Variants in SLC37A3 observed in about 807,000 individuals in gnomAD.
The protein encoded by SLC37A3 is sugar phosphate exchanger 3.
SLC37A3 carries 51 observed loss-of-function variants against 67.1 expected under a neutral mutation model. That is an observed-to-expected ratio of 0.76 (90% CI 0.61 to 0.96). SLC37A3 has a LOEUF of 0.96. SLC37A3 is among the 40% of genes least tolerant of loss of function. The pLI is 0.00. For missense variants in SLC37A3, 508 were observed against 603.0 expected, an observed-to-expected ratio of 0.84 and a Z score of 1.65; for synonymous variants, 214 against 231.4, an observed-to-expected ratio of 0.92 and a Z score of 0.68.
intron 1 of SLC37A3, among the ~76,000 whole-genome samples, chr7:140,389,133 G>C (rs1232087479): frequency 1.3e-5 from 2 of 152,094 alleles, no homozygotes; most frequent in Non-Finnish European, 2.9e-5. Context: ...AAACAAAACT[G>C]ATAACAGACC....
At chr7:140,342,742 C>T (rs1796406838) in intron 13 of SLC37A3, among the ~76,000 whole-genome samples, 1 of 151,056 alleles carries the variant, frequency 6.6e-6, no homozygotes, top group African/African-American at 2.4e-5. Flanking sequence ...GTAGGGATCT[C>T]AAACATCTGA....
intron 3 of SLC37A3, among the ~76,000 whole-genome samples, chr7:140,377,404 T>C (rs1352815587): frequency 6.6e-6 from 1 of 152,130 alleles, no homozygotes; most frequent in African/African-American, 2.4e-5. Context: ...CTGGAGATAA[T>C]TTTAGATTCT....
intron 3 of SLC37A3, among the ~76,000 whole-genome samples, chr7:140,374,185 G>C (rs1343157688): frequency 6.6e-6 from 1 of 152,060 alleles, no homozygotes; most frequent in African/African-American, 2.4e-5. Context: ...TTCTGAGATG[G>C]GTTGTTACAG....
intron 3 of SLC37A3, among the ~76,000 whole-genome samples, chr7:140,375,824 G>A (rs543641005): frequency 6.6e-6 from 1 of 152,290 alleles, no homozygotes; most frequent in Non-Finnish European, 1.5e-5. Context: ...GCATTCTATC[G>A]AAGATGAGAA....
chr7:140,382,606 C>G lies in SLC37A3; in HGVS notation c.-70-10G>C. On this transcript the variant is annotated splice_polypyrimidine_tract_variant and intron_variant, in intron 1 of 14. Transcript: ENST00000326232. ...ACATCATTTCTTCCTTCTGGAAAGA[C>G]AAAACACATTATGGACATTATTAAA... The G allele has an allele frequency of 8.2e-7, 1 of 1,223,260 alleles. No homozygotes were observed. The highest frequency in any genetic ancestry group is 1.2e-6 in the Non-Finnish European group (1 of 837,712). The allele number at this position is 1,223,260 out of a possible 1,614,324, so 75.8% of individuals were successfully genotyped here. A position where few individuals can be genotyped will look rare whatever the true frequency, so the allele number is the denominator to read the frequency against.
At chr7:140,393,048 C>T (rs1289916762) in intron 1 of SLC37A3, among the ~76,000 whole-genome samples, 1 of 151,996 alleles carries the variant, frequency 6.6e-6, no homozygotes, top group Admixed American at 6.6e-5. Context: ...GCTGAGATCG[C>T]GCCACTGTAC....
chr7:140,341,353 C>T (rs913744228), intron 13 of SLC37A3, among the ~76,000 whole-genome samples: 2 of 152,012 alleles, frequency 1.3e-5, no homozygotes, highest in Admixed American at 1.3e-4. Flanking sequence ...AATACAAAGA[C>T]GAAGGAAACA....
chr7:140,343,914 T>C (rs1796455305), intron 12 of SLC37A3: 1 of 231,372 alleles, frequency 4.3e-6, no homozygotes, highest in South Asian at 5.0e-5. Flanking sequence ...ATCATTCCAC[T>C]ACACAAATTC....
At chr7:140,336,012 G>A (rs1302974238) in intron 14 of SLC37A3, among the ~76,000 whole-genome samples, 2 of 152,234 alleles carry the variant, frequency 1.3e-5, no homozygotes, top group Non-Finnish European at 2.9e-5. Context: ...GAGGACAGCT[G>A]CCTGGAGTAC....
chr7:140,337,583 T>C (rs985828346), intron 13 of SLC37A3: 23 of 342,010 alleles, frequency 6.7e-5, no homozygotes, highest in Admixed American at 1.4e-4. Flanking sequence ...GTTCAGAAGG[T>C]TTATTTTTAT....
chr7:140,340,349 C>A (rs899710120), intron 13 of SLC37A3, among the ~76,000 whole-genome samples: 2 of 150,136 alleles, frequency 1.3e-5, no homozygotes, highest in African/African-American at 4.9e-5. Context: ...ATTCTTTTCA[C>A]GTGGATATCC....
At chr7:140,345,383 AAG>A in intron 11 of SLC37A3, 120 bp from the exon 12 acceptor site, 2 of 714,844 alleles carry the variant, frequency 2.8e-6, no homozygotes, top group Non-Finnish European at 5.0e-6. Flanking sequence ...AGAGACAACA[AAG>A]AGACACAACT....
chr7:140,336,825 G>A (rs557027052), intron 14 of SLC37A3, among the ~76,000 whole-genome samples: 6 of 152,042 alleles, frequency 3.9e-5, no homozygotes, highest in South Asian at 2.1e-4. Flanking sequence ...GAAGTCAGGC[G>A]CAGTGGCTCC....
chr7:140,355,756 A>C lies in SLC37A3; in HGVS notation c.530T>G (p.Val177Gly). 1 of 1,613,630 alleles carries C rather than the reference A, an allele frequency of 6.2e-7. No homozygotes were observed. Among genetic ancestry groups the C allele is most frequent in the South Asian group, 1.1e-5 (1 of 91,058 alleles). The change falls in exon 7 of 15, where the codon GTT becomes GGT. Residue 177 changes from valine (V) to glycine (G), a missense_variant. By Grantham distance (109) the Val-to-Gly change is moderately radical (BLOSUM62 -3). Coordinates refer to ENST00000326232, the MANE Select transcript of SLC37A3 (RefSeq NM_207113.3). ...GNWFGKAGRG[V>G]VFGLWSACAS... is the part of the protein sequence containing the mutation. ...ACAGGCACTCCAGAGACCAAAAACA[A>C]CTCCTCGTCTAAGATGGAAAACAGT...
chr7:140,395,847 T>C (rs1249802290), intron 1 of SLC37A3, among the ~76,000 whole-genome samples: 1 of 152,126 alleles, frequency 6.6e-6, no homozygotes, highest in Non-Finnish European at 1.5e-5. Context: ...AGATGGGCAA[T>C]TACTCACCTC....
At position 140,348,629 on chromosome 7, in the gene SLC37A3, TGATCCCTCCAACGTC is replaced by T. The variant is rs1376421926; in HGVS notation, c.1006_1020del (p.Asp336_Ile340del). ...AAAAGATGTATCACCGGCATACCTA[TGATCCCTCCAACGTC>T]GTACCAAATGGACAGCTTGTCGGCT... On this transcript the variant is annotated inframe_deletion, in exon 10 of 15. Transcript: ENST00000326232. The T allele has an allele frequency of 2.5e-6, 4 of 1,611,194 alleles. No individual in the cohort carries two copies. In the South Asian group the frequency reaches 3.3e-5, roughly 13 times the overall value.
At chr7:140,372,688 T>C (rs1414286786) in intron 3 of SLC37A3, among the ~76,000 whole-genome samples, 1 of 151,862 alleles carries the variant, frequency 6.6e-6, no homozygotes, top group African/African-American at 2.4e-5. Flanking sequence ...CATGGTGAAA[T>C]CCCATCTCTG....
chr7:140,353,500 G>C (rs1311982487), intron 7 of SLC37A3, among the ~76,000 whole-genome samples: 1 of 151,260 alleles, frequency 6.6e-6, no homozygotes, highest in East Asian at 1.9e-4. Context: ...AGAAAGTACA[G>C]TAAAAACTCT....
intron 13 of SLC37A3, among the ~76,000 whole-genome samples, chr7:140,341,890 G>C (rs990864185): frequency 2.0e-5 from 3 of 152,232 alleles, no homozygotes; most frequent in African/African-American, 7.2e-5. Flanking sequence ...CGTCTGAACT[G>C]ATGGCTGGGA....
Sources: allele counts gnomAD v4.1 joint callset (sites outside exome capture counted in the v4.1 genomes callset), GRCh38; gene constraint gnomAD v4.1.1; transcripts MANE v1.5; gene names NCBI Gene and HGNC (gene_info 2026-07-23, HGNC 2026-07-21).